C13orf42: variants seen among roughly 807,000 people sequenced by gnomAD.
C13orf42 encodes the protein chromosome 13 open reading frame 42, also known as uncharacterized protein C13orf42.
chr13:51,087,461 G>A (rs182500383), intron 2 of C13orf42, among the ~76,000 whole-genome samples: 20 of 152,242 alleles, frequency 1.3e-4, no homozygotes, highest in African/African-American at 4.8e-4. Context: ...TTTTTTAAGT[G>A]TGCCATTCAG....
At chr13:51,106,766 C>CTACATTCCT (rs1413334808) in intron 1 of C13orf42, among the ~76,000 whole-genome samples, 1 of 152,174 alleles carries the variant, frequency 6.6e-6, no homozygotes, top group Non-Finnish European at 1.5e-5. Context: ...TTCAGAGACT[C>CTACATTCCT]TACATTCCTT....
At chr13:51,141,251 T>C (rs1953694358) in intron 1 of C13orf42, among the ~76,000 whole-genome samples, 1 of 151,158 alleles carries the variant, frequency 6.6e-6, no homozygotes, top group African/African-American at 2.4e-5. Context: ...TTTTTTTTTC[T>C]CAGTTGAATG....
At chr13:51,121,107 T>C (rs1953531460) in intron 1 of C13orf42, among the ~76,000 whole-genome samples, 1 of 152,110 alleles carries the variant, frequency 6.6e-6, no homozygotes, top group African/African-American at 2.4e-5. Context: ...CAAGCTGTAG[T>C]GGTTGGTAGC....
At chr13:51,099,281 G>A (rs1953263531) in intron 1 of C13orf42, among the ~76,000 whole-genome samples, 1 of 152,134 alleles carries the variant, frequency 6.6e-6, no homozygotes, top group African/African-American at 2.4e-5. Context: ...AACAAGAACT[G>A]TAGACTAGGA....
intron 2 of C13orf42, among the ~76,000 whole-genome samples, chr13:51,086,407 A>G (rs559225797): frequency 2.6e-5 from 4 of 152,128 alleles, no homozygotes; most frequent in Non-Finnish European, 5.9e-5. Context: ...TTGTTAAATG[A>G]AAGGACATCC....
intron 1 of C13orf42, among the ~76,000 whole-genome samples, chr13:51,108,755 C>T (rs773539260): frequency 6.6e-6 from 1 of 152,190 alleles, no homozygotes; most frequent in African/African-American, 2.4e-5. Context: ...AATAGCAGAA[C>T]TAAAATTCAA....
At chr13:51,085,281 A>G in intron 3 of C13orf42, 38 bp downstream of exon 3, 1 of 397,594 alleles carries the variant, frequency 2.5e-6, no homozygotes, top group Non-Finnish European at 4.4e-6. Context: ...GGAGGCCACG[A>G]GAACATCTTG....
At chr13:51,107,057 G>T (rs1295532807) in intron 1 of C13orf42, among the ~76,000 whole-genome samples, 1 of 152,198 alleles carries the variant, frequency 6.6e-6, no homozygotes, top group Non-Finnish European at 1.5e-5. Context: ...CCCAGGAGGG[G>T]CTCCCAGACC....
At chr13:51,130,495 T>A (rs1347805967) in intron 1 of C13orf42, among the ~76,000 whole-genome samples, 1 of 152,178 alleles carries the variant, frequency 6.6e-6, no homozygotes, top group Non-Finnish European at 1.5e-5. Flanking sequence ...CAAAGCAGGT[T>A]GTAGATGGTC....
At chr13:51,121,915 C>G (rs1953539059) in intron 1 of C13orf42, among the ~76,000 whole-genome samples, 1 of 152,068 alleles carries the variant, frequency 6.6e-6, no homozygotes, top group Non-Finnish European at 1.5e-5. Flanking sequence ...AAAATGATGT[C>G]TTAGAGCAAT....
intron 1 of C13orf42, among the ~76,000 whole-genome samples, chr13:51,140,529 G>A (rs531967797): frequency 1.4e-3 from 219 of 152,294 alleles, no homozygotes; most frequent in African/African-American, 4.9e-3. Flanking sequence ...CTTGGTACCA[G>A]CATGAGCTAA....
intron 1 of C13orf42, among the ~76,000 whole-genome samples, chr13:51,088,588 G>A (rs915967181): frequency 3.3e-5 from 5 of 152,146 alleles, no homozygotes; most frequent in Non-Finnish European, 2.9e-5. Flanking sequence ...TGCTTGAGGG[G>A]ATGGATACCA....
At chr13:51,097,826 C>T (rs192326932) in intron 1 of C13orf42, among the ~76,000 whole-genome samples, 2 of 152,188 alleles carry the variant, frequency 1.3e-5, no homozygotes, top group Admixed American at 1.3e-4. Context: ...CTGCTGCAGC[C>T]TTCCCGGCTG....
chr13:51,164,010 C>T (rs144666553), intron 1 of C13orf42, among the ~76,000 whole-genome samples: 14 of 152,210 alleles, frequency 9.2e-5, no homozygotes, highest in Non-Finnish European at 1.6e-4. Context: ...GACAGAAAAG[C>T]GTTGAAAGAA....
intron 1 of C13orf42, among the ~76,000 whole-genome samples, chr13:51,134,917 C>T (rs960252372): frequency 2.6e-5 from 4 of 152,202 alleles, no homozygotes; most frequent in Admixed American, 1.3e-4. Flanking sequence ...AGCCACCAGC[C>T]GCAGCGGGGT....
chr13:51,095,937 A>G (rs1953230471), intron 1 of C13orf42, among the ~76,000 whole-genome samples: 1 of 152,156 alleles, frequency 6.6e-6, no homozygotes, highest in African/African-American at 2.4e-5. Flanking sequence ...TTTTGTTGAA[A>G]GCCAGGCATT....
At position 51,082,213 on chromosome 13, in the gene C13orf42, C is replaced by A. The variant is rs1376063163; in HGVS notation, c.*1938G>T. The A allele has an allele frequency of 1.3e-5, 2 of 152,202 alleles. No homozygotes were observed. Among genetic ancestry groups the A allele is most frequent in the Non-Finnish European group, 2.9e-5 (2 of 68,040 alleles). The allele number at this position is 152,202 out of a possible 1,614,324, so 9.4% of individuals were successfully genotyped here. A position where few individuals can be genotyped will look rare whatever the true frequency, so the allele number is the denominator to read the frequency against. ...AGATTCCCCAGGCAGAGCACAGATCCTTGGGTTTATCACCAACTTCAAACA... is the reference window on the plus strand; with the variant it reads ...AGATTCCCCAGGCAGAGCACAGATCATTGGGTTTATCACCAACTTCAAACA... On this transcript the variant is annotated 3_prime_UTR_variant, in exon 4 of 4. Coordinates refer to ENST00000563710, the MANE Select transcript of C13orf42 (RefSeq NM_001351589.3).
chr13:51,111,859 G>GCAGGA (rs1953438430), upstream of C13orf42, among the ~76,000 whole-genome samples: 1 of 139,448 alleles, frequency 7.2e-6, no homozygotes, highest in Non-Finnish European at 1.5e-5. Flanking sequence ...AGGCATCTGA[G>GCAGGA]CGTCCTGGAA....
chr13:51,118,411 C>T (rs183359823), intron 1 of C13orf42, among the ~76,000 whole-genome samples: 21 of 152,326 alleles, frequency 1.4e-4, no homozygotes, highest in East Asian at 9.7e-4. Flanking sequence ...CGCTTCCTCA[C>T]ATCTTCACCT....
Sources: allele counts gnomAD v4.1 joint callset (sites outside exome capture counted in the v4.1 genomes callset), GRCh38; gene constraint gnomAD v4.1.1; transcripts MANE v1.5; gene names NCBI Gene and HGNC (gene_info 2026-07-23, HGNC 2026-07-21).